Variants in ABHD2 observed in about 807,000 individuals in gnomAD.
The protein encoded by ABHD2 is monoacylglycerol lipase ABHD2.
Under a neutral mutation model 48.1 loss-of-function variants are expected in ABHD2, and 20 were observed. The ratio of observed to expected loss-of-function variants is 0.42; its 90% CI spans 0.29 to 0.60. ABHD2 has a LOEUF of 0.60. Among genes scored for constraint, ABHD2 ranks in the 20% least tolerant of loss-of-function variants. ABHD2 has a pLI of 0.24. For missense variants in ABHD2, 405 were observed against 550.9 expected (o/e 0.74, Z 2.65); for synonymous variants, 209 against 214.2 (o/e 0.98, Z 0.21).
At chr15:89,140,939 C>T (rs1431131809) in intron 3 of ABHD2, among the ~76,000 whole-genome samples, 1 of 151,602 alleles carries the variant, frequency 6.6e-6, no homozygotes, top group Non-Finnish European at 1.5e-5. Flanking sequence ...ATGCTCAGGG[C>T]ATAACTTTAT....
At chr15:89,050,288 C>T in the ABHD2 span, among the ~76,000 whole-genome samples, 6 of 152,054 alleles carry the variant, frequency 3.9e-5, no homozygotes, top group Non-Finnish European at 7.4e-5. Flanking sequence ...TGGAATTTGC[C>T]GAGACTCTGG....
Position 89,201,911 on chromosome 15 carries a change from G to C in ABHD2, c.*6488G>C, listed in dbSNP as rs1029632260. On this transcript the variant is annotated 3_prime_UTR_variant, in exon 11 of 11. Transcript: ENST00000352732. Reference sequence around the variant, plus strand: ...TCTCTCCTTTTCCTGGTTAGACTCTGTTCAACCACATTCTTATGTTGGCAG... The same window carrying C: ...TCTCTCCTTTTCCTGGTTAGACTCTCTTCAACCACATTCTTATGTTGGCAG... The C allele has an allele frequency of 8.5e-6, 5 of 589,294 alleles. No homozygotes were observed. The highest frequency in any genetic ancestry group is 1.5e-5 in the Non-Finnish European group (5 of 335,250). 36.5% of individuals were successfully genotyped at this position (589,294 alleles called of 1,614,324 possible).
chr15:89,049,729 T>C, the ABHD2 span, among the ~76,000 whole-genome samples: 1 of 152,250 alleles, frequency 6.6e-6, no homozygotes, highest in African/African-American at 2.4e-5. Flanking sequence ...AGTAAGGCAA[T>C]GCCTCGCCCT....
chr15:89,154,975 A>G (rs1224277928), intron 4 of ABHD2, among the ~76,000 whole-genome samples: 1 of 152,260 alleles, frequency 6.6e-6, no homozygotes, highest in Non-Finnish European at 1.5e-5. Flanking sequence ...ATTCATTCAT[A>G]TAGAATTTCT....
At chr15:89,131,051 T>A in intron 3 of ABHD2, among the ~76,000 whole-genome samples, 1 of 152,220 alleles carries the variant, frequency 6.6e-6, no homozygotes, top group Non-Finnish European at 1.5e-5. Context: ...AGCTTTCACC[T>A]GGAAGAATGC....
At chr15:89,083,673 C>T (rs1435452964), upstream of ABHD2, among the ~76,000 whole-genome samples, 1 of 152,296 alleles carries the variant, frequency 6.6e-6, no homozygotes, top group African/African-American at 2.4e-5. This position sits in a 1 kb window ranked among gnomAD's most constrained non-coding sequence, Gnocchi z 5.1. Flanking sequence ...GAGTGTTCAT[C>T]TTATGATTTT....
intron 1 of ABHD2, among the ~76,000 whole-genome samples, chr15:89,095,158 T>C (rs910585605): frequency 1.8e-4 from 28 of 152,136 alleles, no homozygotes; most frequent in Non-Finnish European, 2.9e-4. Context: ...AGGACATATT[T>C]AGCTTACTAA....
chr15:89,176,126 G>A lies in ABHD2; in HGVS notation c.722+131G>A. On this transcript the variant is annotated intron_variant, in intron 6 of 10. Transcript: ENST00000352732. The surrounding 1 kb of genome is among the most constrained non-coding windows in gnomAD (Gnocchi z 4.5). Reference sequence around the variant, plus strand: ...GACTGAGTAGAAGTTTCTGAGTCTTGGACTCACCTTGTTTTGTCTGCATAT... The same window carrying A: ...GACTGAGTAGAAGTTTCTGAGTCTTAGACTCACCTTGTTTTGTCTGCATAT... The A allele has an allele frequency of 2.0e-6, 2 of 983,552 alleles. No individual in the cohort carries two copies. The highest frequency in any genetic ancestry group is 2.9e-6 in the Non-Finnish European group (2 of 684,186). 60.9% of individuals were successfully genotyped at this position (983,552 alleles called of 1,614,324 possible).
chr15:89,148,666 A>T (rs2050538239), intron 3 of ABHD2, among the ~76,000 whole-genome samples: 1 of 152,256 alleles, frequency 6.6e-6, no homozygotes, highest in African/African-American at 2.4e-5. Context: ...CCAGGCCTAA[A>T]TTGGCATGGC....
intron 6 of ABHD2, among the ~76,000 whole-genome samples, chr15:89,181,115 A>G (rs1239167615): frequency 6.6e-6 from 1 of 150,616 alleles, no homozygotes; most frequent in East Asian, 2.0e-4. Context: ...AATCCCAGCT[A>G]CTCAGGAGGC....
In ABHD2 at chr15:89,185,569, A is replaced by C; in HGVS notation, c.815+53A>C. The stretch of plus-strand genomic sequence containing the variant: ...AGACAGACAGTTCCTTCCTGAGCTC[A>C]TCTGGGAACCGTGAAAAGCCAGGAC... On this transcript the variant is annotated intron_variant, in intron 7 of 10. Coordinates refer to ENST00000352732, the MANE Select transcript of ABHD2 (RefSeq NM_152924.5). The surrounding 1 kb of genome is among the most constrained non-coding windows in gnomAD (Gnocchi z 5.9). 1 of 1,528,740 alleles carries C rather than the reference A, an allele frequency of 6.5e-7. No individual in the cohort carries two copies. The highest frequency in any genetic ancestry group is 9.1e-7 in the Non-Finnish European group (1 of 1,104,470). 94.7% of individuals were successfully genotyped at this position (1,528,740 alleles called of 1,614,324 possible).
intron 3 of ABHD2, chr15:89,136,359 G>A (rs2050312436): frequency 1.1e-5 from 6 of 522,764 alleles, no homozygotes; most frequent in Admixed American, 1.0e-4. Context: ...CCACCTCTCT[G>A]AGCACTTCTT....
At chr15:89,075,551 G>C in the ABHD2 span, among the ~76,000 whole-genome samples, 1 of 152,014 alleles carries the variant, frequency 6.6e-6, no homozygotes. The surrounding 1 kb of genome is among the most constrained non-coding windows in gnomAD (Gnocchi z 4.1). Flanking sequence ...AGAGAGGGAA[G>C]GTAGAAAGGA....
At chr15:89,192,841 G>A (rs2051329719) in intron 9 of ABHD2, among the ~76,000 whole-genome samples, 3 of 152,208 alleles carry the variant, frequency 2.0e-5, no homozygotes, top group Non-Finnish European at 4.4e-5. Context: ...GAACCACTGT[G>A]CCCAGCCTTG....
chr15:89,185,201 C>A lies in ABHD2; in HGVS notation c.723-223C>A, dbSNP rs2051185452. Among the ~76,000 whole-genome samples, 1 of 152,144 alleles carries A rather than the reference C, an allele frequency of 6.6e-6. No individual in the cohort carries two copies. The highest frequency in any genetic ancestry group is 1.5e-5 in the Non-Finnish European group (1 of 68,024). The stretch of plus-strand genomic sequence containing the variant: ...ACAAAGCCTCTGGCGCTAGAGAGGG[C>A]CTTTGCCGGGGTCCCCTTCCCCTGC... On this transcript the variant is annotated intron_variant, in intron 6 of 10. Coordinates refer to ENST00000352732, the MANE Select transcript of ABHD2 (RefSeq NM_152924.5). This position sits in a 1 kb window ranked among gnomAD's most constrained non-coding sequence, Gnocchi z 5.9.
In ABHD2 at chr15:89,113,793, C is replaced by T. The variant is rs979502872; in HGVS notation, c.-38C>T. 2 of 152,142 alleles carry T rather than the reference C, an allele frequency of 1.3e-5. No individual in the cohort carries two copies. The highest frequency in any genetic ancestry group is 2.9e-5 in the Non-Finnish European group (2 of 68,022). The allele number at this position is 152,142 out of a possible 1,614,324, so 9.4% of individuals were successfully genotyped here. ...ACTGTACAACTCTTCAAGGAAAATT[C>T]GTATTTGCAGTGGGAAGAATAAGTA... On this transcript the variant is annotated 5_prime_UTR_variant, in exon 2 of 11. Coordinates refer to ENST00000352732, the MANE Select transcript of ABHD2 (RefSeq NM_152924.5).
the ABHD2 span, among the ~76,000 whole-genome samples, chr15:89,066,913 A>C: frequency 6.6e-6 from 1 of 152,220 alleles, no homozygotes; most frequent in East Asian, 1.9e-4. Flanking sequence ...TGAAGTCTGG[A>C]AAATGTGTCT....
rs748983183 is a variant in ABHD2, at chr15:89,170,080, CTTTTTTTTT to C, written c.539-5707_539-5699del. 1.3e-3 allele frequency among the ~76,000 whole-genome samples: 47 copies of C among 37,494 alleles called. No homozygotes were observed. The South Asian group carries it at 0.036, about 28-fold the overall frequency. The allele number at this position is 37,494 out of a possible 152,430, so 24.6% of individuals were successfully genotyped here. A position where few individuals can be genotyped will look rare whatever the true frequency, so the allele number is the denominator to read the frequency against. On this transcript the variant is annotated intron_variant, in intron 5 of 10. Transcript: ENST00000352732. ...GAGCCATTCCATGTCAGATCAGATT[CTTTTTTTTT>C]TTTTTTTTTTTTTTTTTTTTTTTTG...
At chr15:89,082,067 C>G in the ABHD2 span, among the ~76,000 whole-genome samples, 1 of 152,110 alleles carries the variant, frequency 6.6e-6, no homozygotes, top group African/African-American at 2.4e-5. The surrounding 1 kb of genome is among the most constrained non-coding windows in gnomAD (Gnocchi z 4.4). Context: ...TCTCTAGCCC[C>G]TACCCACTAG....
Sources: allele counts gnomAD v4.1 joint callset (sites outside exome capture counted in the v4.1 genomes callset), GRCh38; gene constraint gnomAD v4.1.1; non-coding constraint Gnocchi (gnomAD v3.1); transcripts MANE v1.5; gene names NCBI Gene and HGNC (gene_info 2026-07-23, HGNC 2026-07-21).